Variants in RFTN1 observed in about 807,000 individuals in gnomAD.
The protein encoded by RFTN1 is raftlin.
A neutral mutation model predicts 46.5 loss-of-function variants in RFTN1; 26 were observed. That is an observed-to-expected ratio of 0.56 (90% CI 0.41 to 0.78). The LOEUF (loss-of-function observed/expected upper bound fraction) is 0.78. Ranked by LOEUF, RFTN1 falls within the 30% of genes least tolerant of loss-of-function variation. The probability of loss-of-function intolerance (pLI) is 0.00; values close to 1 mark genes in which losing one functional copy is unlikely to be tolerated. For missense variants in RFTN1, 693 were observed against 718.7 expected (o/e 0.96, Z 0.41); for synonymous variants, 261 against 284.2 (o/e 0.92, Z 0.82).
chr3:16,409,976 T>C (rs2074949694), intron 3 of RFTN1, among the ~76,000 whole-genome samples: 3 of 150,638 alleles, frequency 2.0e-5, no homozygotes, highest in South Asian at 2.1e-4. Context: ...CATGAGCCAC[T>C]GTGCCCAGAC....
intron 4 of RFTN1, among the ~76,000 whole-genome samples, chr3:16,389,374 G>C (rs995747491): frequency 2.6e-5 from 4 of 152,144 alleles, no homozygotes; most frequent in African/African-American, 9.7e-5. Context: ...TTGTTCTTTT[G>C]TAAATACCCT....
chr3:16,399,579 T>A (rs2074554398), intron 4 of RFTN1, among the ~76,000 whole-genome samples: 1 of 152,182 alleles, frequency 6.6e-6, no homozygotes, highest in African/African-American at 2.4e-5. Flanking sequence ...CTACTTACTT[T>A]TTCTTTTCTC....
In RFTN1 at chr3:16,341,436, A is replaced by C. The variant is rs1419833082; in HGVS notation, c.1147-14560T>G. Among the ~76,000 whole-genome samples the C allele has an allele frequency of 2.6e-5, 4 of 152,224 alleles. No individual in the cohort carries two copies. Among genetic ancestry groups the C allele is most frequent in the Non-Finnish European group, 2.9e-5 (2 of 68,042 alleles). ...CTTCAGTAACTGACAGAGAAACTGC[A>C]GTGGAACCATACAATGAAATATTAT... On this transcript the variant is annotated intron_variant, in intron 7 of 9. Transcript: ENST00000334133. This position sits in a 1 kb window ranked among gnomAD's most constrained non-coding sequence, Gnocchi z 4.7.
At chr3:16,454,668 A>G in intron 2 of RFTN1, 2 of 677,486 alleles carry the variant, frequency 3.0e-6, no homozygotes, top group Non-Finnish European at 1.8e-6. Context: ...CTCATTCCCT[A>G]ACTGCTTAGA....
rs2076760402 is a variant in RFTN1 at position 16,504,101 on chromosome 3, T to C, written c.-9+9341A>G. On this transcript the variant is annotated intron_variant, in intron 1 of 9. Transcript: ENST00000334133. The surrounding 1 kb of genome is among the most constrained non-coding windows in gnomAD (Gnocchi z 4.4). ...GTTCACAGTGCCCTTAGTTTCTCTG[T>C]ACATTTTTTAATGGCATGCCCTAGA... Among the ~76,000 whole-genome samples, 1 of 150,984 alleles carries C rather than the reference T, an allele frequency of 6.6e-6. No homozygotes were observed. Among genetic ancestry groups the C allele is most frequent in the Non-Finnish European group, 1.5e-5 (1 of 67,812 alleles).
Position 16,335,853 on chromosome 3 carries a change from CTGGA to C in RFTN1, c.1147-8981_1147-8978del, listed in dbSNP as rs1274700621. Among the ~76,000 whole-genome samples, 5 of 151,362 alleles carry C rather than the reference CTGGA, an allele frequency of 3.3e-5. No homozygotes were observed. Among genetic ancestry groups the C allele is most frequent in the African/African-American group, 1.2e-4 (5 of 41,086 alleles). ...GGGCAAGTCACAAGGAGCCTGGAAA[CTGGA>C]TGGATGGATGGTGAGGTCTCAGGAG... is the stretch of plus-strand genomic sequence containing the variant. On this transcript the variant is annotated intron_variant, in intron 7 of 9. Transcript: ENST00000334133. This position sits in a 1 kb window ranked among gnomAD's most constrained non-coding sequence, Gnocchi z 4.7.
chr3:16,388,583 A>G (rs9990090), intron 4 of RFTN1, among the ~76,000 whole-genome samples: 38,763 of 152,214 alleles, frequency 0.25, 5,432 homozygotes, highest in Middle Eastern at 0.4. Flanking sequence ...TTGCAGGTCC[A>G]GAGACATGTC....
At chr3:16,408,847 T>C (rs1166493186) in intron 4 of RFTN1, among the ~76,000 whole-genome samples, 1 of 151,744 alleles carries the variant, frequency 6.6e-6, no homozygotes, top group African/African-American at 2.4e-5. Flanking sequence ...GCTAGGACAT[T>C]CCTTCTGTAG....
chr3:16,322,042 CAG>C lies in RFTN1; in HGVS notation c.1332+1332_1332+1333del, dbSNP rs924179985. ...GCAGCGGGTGTCTGTCAGCATCTGA[CAG>C]GGGCCCTTTGCGTGCTGTGTGTTGA... On this transcript the variant is annotated intron_variant, in intron 9 of 9. Coordinates refer to ENST00000334133, the MANE Select transcript of RFTN1 (RefSeq NM_015150.2). This position sits in a 1 kb window ranked among gnomAD's most constrained non-coding sequence, Gnocchi z 6.2. Among the ~76,000 whole-genome samples the C allele has an allele frequency of 3.0e-4, 46 of 152,356 alleles. No individual in the cohort carries two copies. The highest frequency in any genetic ancestry group is 1.1e-3 in the African/African-American group (46 of 41,580).
At position 16,319,096 on chromosome 3, in the gene RFTN1, G is replaced by A. The variant is rs146593545; in HGVS notation, c.1333-1864C>T. On this transcript the variant is annotated intron_variant, in intron 9 of 9. Coordinates refer to ENST00000334133, the MANE Select transcript of RFTN1 (RefSeq NM_015150.2). Reference sequence around the variant, plus strand: ...TGCTGCCCTGTGTTAGGCAGCTGCCGTTGCATTTTAATTCCAGCCCAAATG... The same window carrying A: ...TGCTGCCCTGTGTTAGGCAGCTGCCATTGCATTTTAATTCCAGCCCAAATG... Among the ~76,000 whole-genome samples, 28 of 152,288 alleles carry A rather than the reference G, an allele frequency of 1.8e-4. 2 individuals are homozygous for A. The East Asian group carries it at 5.2e-3, about 28-fold the overall frequency.
chr3:16,405,213 G>T (rs958525481), intron 4 of RFTN1, among the ~76,000 whole-genome samples: 1 of 152,066 alleles, frequency 6.6e-6, no homozygotes, highest in Admixed American at 6.5e-5. Context: ...CACCTGATGG[G>T]CTGGTTGAGC....
chr3:16,508,077 G>A (rs1378262242), intron 1 of RFTN1, among the ~76,000 whole-genome samples: 1 of 152,160 alleles, frequency 6.6e-6, no homozygotes, highest in Non-Finnish European at 1.5e-5. Flanking sequence ...TCAAACAACT[G>A]AGCCAAGCAT....
intron 4 of RFTN1, among the ~76,000 whole-genome samples, chr3:16,403,358 T>C (rs1575228951): frequency 6.6e-6 from 1 of 151,568 alleles, no homozygotes; most frequent in African/African-American, 2.4e-5. Context: ...TGTGTCTCAG[T>C]TTCTTCATCT....
At chr3:16,319,154 C>CAAA (rs1442349346) in intron 9 of RFTN1, among the ~76,000 whole-genome samples, 2 of 152,064 alleles carry the variant, frequency 1.3e-5, no homozygotes, top group Non-Finnish European at 2.9e-5. Context: ...ATGGATGTTC[C>CAAA]AAAACAGTCA....
chr3:16,349,640 A>G (rs1198049276), intron 7 of RFTN1: 3 of 152,274 alleles, frequency 2.0e-5, no homozygotes, highest in East Asian at 3.8e-4. Flanking sequence ...GGGATTATTC[A>G]ACTCCTATTT....
chr3:16,488,124 C>T (rs1358658199), intron 2 of RFTN1, among the ~76,000 whole-genome samples: 7 of 137,200 alleles, frequency 5.1e-5, no homozygotes, highest in South Asian at 4.5e-4. Flanking sequence ...TTTTTTGAGA[C>T]GGAGTTTCAC....
chr3:16,504,087 C>T lies in RFTN1; in HGVS notation c.-9+9355G>A, dbSNP rs562014797. Among the ~76,000 whole-genome samples, 9 of 152,078 alleles carry T rather than the reference C, an allele frequency of 5.9e-5. No individual in the cohort carries two copies. The highest frequency in any genetic ancestry group is 1.2e-4 in the Non-Finnish European group (8 of 68,010). ...CTGAGGATTTCTCCGTTCACAGTGC[C>T]CTTAGTTTCTCTGTACATTTTTTAA... is the stretch of plus-strand genomic sequence containing the variant. On this transcript the variant is annotated intron_variant, in intron 1 of 9. Coordinates refer to ENST00000334133, the MANE Select transcript of RFTN1 (RefSeq NM_015150.2). The surrounding 1 kb of genome is among the most constrained non-coding windows in gnomAD (Gnocchi z 4.4).
rs957526292 is a variant in RFTN1 at position 16,446,488 on chromosome 3, C to T, written c.146-12451G>A. ...CCTCACTTTCAGGTCACCAACTATC[C>T]TTCTCTGTCTCTGCTAGTGTGAGCA... is the stretch of plus-strand genomic sequence containing the variant. On this transcript the variant is annotated intron_variant, in intron 2 of 9. Transcript: ENST00000334133. The surrounding 1 kb of genome is among the most constrained non-coding windows in gnomAD (Gnocchi z 4.5). Among the ~76,000 whole-genome samples, 9 of 152,086 alleles carry T rather than the reference C, an allele frequency of 5.9e-5. No homozygotes were observed. The highest frequency in any genetic ancestry group is 2.2e-4 in the African/African-American group (9 of 41,408).
At chr3:16,477,101 T>C (rs2076294194) in intron 2 of RFTN1, among the ~76,000 whole-genome samples, 1 of 152,226 alleles carries the variant, frequency 6.6e-6, no homozygotes, top group African/African-American at 2.4e-5. Context: ...AAATTATTAA[T>C]GGTGCCTCCA....
Sources: allele counts gnomAD v4.1 joint callset (sites outside exome capture counted in the v4.1 genomes callset), GRCh38; gene constraint gnomAD v4.1.1; non-coding constraint Gnocchi (gnomAD v3.1); transcripts MANE v1.5; gene names NCBI Gene and HGNC (gene_info 2026-07-23, HGNC 2026-07-21).